RASA3: variants seen among roughly 807,000 people sequenced by gnomAD.
RASA3 encodes the protein RAS p21 protein activator 3.
Under a neutral mutation model 110.0 loss-of-function variants are expected in RASA3, and 73 were observed. The ratio of observed to expected loss-of-function variants is 0.66; its 90% confidence interval spans 0.55 to 0.81. The LOEUF (loss-of-function observed/expected upper bound fraction) is 0.81, where lower values mean the gene tolerates loss of function less well. Ranked by LOEUF, RASA3 falls within the 30% of genes least tolerant of loss-of-function variation. RASA3 has a pLI of 0.00. For synonymous variants in RASA3, 500 were observed against 451.4 expected (o/e 1.11, Z -1.37); for missense variants, 976 against 1,113.2 (o/e 0.88, Z 1.75).
At chr13:114,080,734 A>ACTGAAACAGGGGGCTCCCCCAGGGGC (rs1594436181) in intron 1 of RASA3, among the ~76,000 whole-genome samples, 1 of 45,704 alleles carries the variant, frequency 2.2e-5, no homozygotes, top group African/African-American at 1.4e-4. Flanking sequence ...CTCCCAGGGC[A>ACTGAAACAGGGGGCTCCCCCAGGGGC]CGCTTGGATT....
chr13:114,012,115 A>C (rs1451420683), intron 15 of RASA3, among the ~76,000 whole-genome samples: 1 of 151,970 alleles, frequency 6.6e-6, no homozygotes, highest in Non-Finnish European at 1.5e-5. Flanking sequence ...CAATACACGG[A>C]TGATACGCCG....
rs754625060 is a variant in RASA3 at position 114,057,401 on chromosome 13, G to A, written c.174-5246C>T. ...TTGCAGGGCAGTGGGGTCCGGAGAG[G>A]CGGCCGTGCTACAGGCCTTGCACTC... On this transcript the variant is annotated intron_variant, in intron 2 of 23. Coordinates refer to ENST00000334062, the MANE Select transcript of RASA3 (RefSeq NM_007368.4). This position sits in a 1 kb window ranked among gnomAD's most constrained non-coding sequence, Gnocchi z 5.0. The A allele has an allele frequency of 8.1e-6, 8 of 985,294 alleles. No homozygotes were observed. Among genetic ancestry groups the A allele is most frequent in the Non-Finnish European group, 9.6e-6 (8 of 829,936 alleles). 61.0% of individuals were successfully genotyped at this position (985,294 alleles called of 1,614,324 possible).
intron 2 of RASA3, among the ~76,000 whole-genome samples, chr13:114,070,841 C>T (rs2079558835): frequency 1.4e-5 from 2 of 139,080 alleles, no homozygotes; most frequent in African/African-American, 2.8e-5. Flanking sequence ...CCGGCGTCCA[C>T]GCTAAACGGC....
chr13:113,999,698 G>C, intron 19 of RASA3, 31 bp from the exon 20 acceptor site: 1 of 1,593,150 alleles, frequency 6.3e-7, no homozygotes, highest in South Asian at 1.1e-5. Context: ...CAGTGGGTGC[G>C]GGCCCCGCTG....
intron 2 of RASA3, among the ~76,000 whole-genome samples, chr13:114,068,335 T>C (rs957381012): frequency 6.6e-6 from 1 of 152,250 alleles, no homozygotes; most frequent in Admixed American, 6.5e-5. Flanking sequence ...CAGGACTGTC[T>C]GCGTGGATGA....
At chr13:114,076,127 C>T (rs1385685056) in intron 1 of RASA3, among the ~76,000 whole-genome samples, 2 of 152,200 alleles carry the variant, frequency 1.3e-5, no homozygotes, top group African/African-American at 2.4e-5. Context: ...AACACACAGT[C>T]TACCTCTCTG....
intron 1 of RASA3, among the ~76,000 whole-genome samples, chr13:114,098,906 C>G (rs941923208): frequency 6.6e-6 from 1 of 152,132 alleles, no homozygotes; most frequent in Non-Finnish European, 1.5e-5. Context: ...GCCCCGCAGG[C>G]CAGAAGGCAG....
In RASA3 at chr13:113,978,993, C is replaced by T; in HGVS notation, c.*354G>A. On this transcript the variant is annotated 3_prime_UTR_variant, in exon 24 of 24. Coordinates refer to ENST00000334062, the MANE Select transcript of RASA3 (RefSeq NM_007368.4). ...ACTGACGCACACACGGCCGGAGGTG[C>T]ATGTCACAGTCGACTAGACGGGCCG... The T allele has an allele frequency of 3.1e-6, 1 of 323,530 alleles. No homozygotes were observed. Among genetic ancestry groups the T allele is most frequent in the Non-Finnish European group, 5.9e-6 (1 of 170,238 alleles). 20.0% of individuals were successfully genotyped at this position (323,530 alleles called of 1,614,324 possible).
chr13:114,116,908 CGT>C (rs34996989), intron 1 of RASA3, among the ~76,000 whole-genome samples: 30,242 of 98,218 alleles, frequency 0.31, 5,476 homozygotes, highest in Non-Finnish European at 0.4. Context: ...GAGGGGTGCA[CGT>C]GTGTGAGGGG....
chr13:114,063,445 T>C (rs1012552627), intron 2 of RASA3, among the ~76,000 whole-genome samples: 9 of 151,338 alleles, frequency 5.9e-5, no homozygotes, highest in Middle Eastern at 3.2e-3. Flanking sequence ...TTAACAATAA[T>C]AGTAAATATT....
intron 8 of RASA3, among the ~76,000 whole-genome samples, chr13:114,021,916 G>A (rs1195298281): frequency 1.3e-5 from 2 of 151,916 alleles, no homozygotes; most frequent in Admixed American, 6.6e-5. Flanking sequence ...GCCAGGCGTC[G>A]CTCTGTGCCA....
At chr13:114,015,052 G>A (rs1211357799) in intron 14 of RASA3, among the ~76,000 whole-genome samples, 157 bp downstream of exon 14, 1 of 152,116 alleles carries the variant, frequency 6.6e-6, no homozygotes, top group Non-Finnish European at 1.5e-5. Flanking sequence ...ACACTGGCCC[G>A]GGCACAAACC....
rs943087092 is a variant in RASA3, at chr13:114,057,798, G to A, written c.174-5643C>T. Among the ~76,000 whole-genome samples, 1 of 152,194 alleles carries A rather than the reference G, an allele frequency of 6.6e-6. No homozygotes were observed. Among genetic ancestry groups the A allele is most frequent in the African/African-American group, 2.4e-5 (1 of 41,442 alleles). Reference sequence around the variant, plus strand: ...CCAACCACACCCAGACCTGGAAGGGGCACCTCTGGCCAGGGCGCTCAGCAC... The same window carrying A: ...CCAACCACACCCAGACCTGGAAGGGACACCTCTGGCCAGGGCGCTCAGCAC... On this transcript the variant is annotated intron_variant, in intron 2 of 23. Coordinates refer to ENST00000334062, the MANE Select transcript of RASA3 (RefSeq NM_007368.4). This position sits in a 1 kb window ranked among gnomAD's most constrained non-coding sequence, Gnocchi z 5.0.
chr13:114,132,500 C>T lies in RASA3; in HGVS notation c.-11G>A. 1 of 1,460,754 alleles carries T rather than the reference C, an allele frequency of 6.8e-7. No homozygotes were observed. Among genetic ancestry groups the T allele is most frequent in the African/African-American group, 1.5e-5 (1 of 68,212 alleles). The allele number at this position is 1,460,754 out of a possible 1,614,324, so 90.5% of individuals were successfully genotyped here. A position where few individuals can be genotyped will look rare whatever the true frequency, so the allele number is the denominator to read the frequency against. On this transcript the variant is annotated 5_prime_UTR_variant, in exon 1 of 24. Coordinates refer to ENST00000334062, the MANE Select transcript of RASA3 (RefSeq NM_007368.4). ...GTCCTCCACCGCCATGCTGCGCGTC[C>T]GCGCCCGCCGAGCCTCGCCCCAAGC...
chr13:114,039,298 G>A (rs936425263), intron 4 of RASA3, among the ~76,000 whole-genome samples: 3 of 145,262 alleles, frequency 2.1e-5, no homozygotes, highest in African/African-American at 8.5e-5. Flanking sequence ...GGTCCCAGCT[G>A]AGGACCCAGG....
rs1226901999 is a variant in RASA3, at chr13:114,038,099, AAG to A, written c.372+2899_372+2900del. ...CAGTAAAAAAAAAAAAAAGGCAAGA[AAG>A]AGGAAAAGCTACACCTGCCAATAAA... On this transcript the variant is annotated intron_variant, in intron 4 of 23. Coordinates refer to ENST00000334062, the MANE Select transcript of RASA3 (RefSeq NM_007368.4). Among the ~76,000 whole-genome samples, 33 of 152,092 alleles carry A rather than the reference AAG, an allele frequency of 2.2e-4. No individual in the cohort carries two copies. In the East Asian group the frequency reaches 6.4e-3, roughly 29 times the overall value.
intron 2 of RASA3, among the ~76,000 whole-genome samples, chr13:114,066,574 G>A (rs1282365392): frequency 2.0e-5 from 3 of 152,260 alleles, no homozygotes; most frequent in African/African-American, 2.4e-5. Flanking sequence ...GGCGGCCGAT[G>A]AGTCCCTTCC....
At chr13:114,037,225 T>C (rs964057271) in intron 4 of RASA3, among the ~76,000 whole-genome samples, 2 of 152,332 alleles carry the variant, frequency 1.3e-5, no homozygotes, top group East Asian at 3.9e-4. Flanking sequence ...CTGATCGTCA[T>C]GGTGGTTACA....
At chr13:114,066,496 T>G (rs2079452194) in intron 2 of RASA3, among the ~76,000 whole-genome samples, 1 of 152,104 alleles carries the variant, frequency 6.6e-6, no homozygotes, top group Non-Finnish European at 1.5e-5. Context: ...GGCCCCCTCG[T>G]GACAGGCCCA....
Sources: allele counts gnomAD v4.1 joint callset (sites outside exome capture counted in the v4.1 genomes callset), GRCh38; gene constraint gnomAD v4.1.1; non-coding constraint Gnocchi (gnomAD v3.1); transcripts MANE v1.5; gene names NCBI Gene and HGNC (gene_info 2026-07-23, HGNC 2026-07-21).